VWDE: variants seen among roughly 807,000 people sequenced by gnomAD.
The protein encoded by VWDE is von Willebrand factor D and EGF domain-containing protein.
A neutral mutation model predicts 178.4 loss-of-function variants in VWDE; 207 were observed. That is an observed-to-expected ratio of 1.16 (90% CI 1.04 to 1.30). The LOEUF is 1.30. Among genes scored for constraint, VWDE ranks in the 50% most tolerant of loss-of-function variants. The pLI is 0.00. For missense variants in VWDE, 2,287 were observed against 1,901.3 expected (o/e 1.20, Z -3.77); for synonymous variants, 738 against 651.4 (o/e 1.13, Z -2.02).
At chr7:12,392,842 T>C (rs1031073515) in intron 2 of VWDE, among the ~76,000 whole-genome samples, 4 of 150,644 alleles carry the variant, frequency 2.7e-5, no homozygotes, top group Non-Finnish European at 5.9e-5. Context: ...TGTGAGTTCA[T>C]GTACAAAACC....
intron 15 of VWDE, 31 bp from the exon 16 acceptor site, chr7:12,359,723 C>G (rs1425970868): frequency 1.5e-6 from 2 of 1,353,358 alleles, no homozygotes; most frequent in Non-Finnish European, 2.0e-6. Flanking sequence ...AAGAAAACAT[C>G]AAAGTACAGC....
rs1783312166 is a variant in VWDE, at chr7:12,373,227, G to A, written c.1337C>T (p.Thr446Ile). The change falls in exon 10 of 29, where the codon ACT becomes ATT. Residue 446 changes from threonine (T) to isoleucine (I), a missense_variant. Transcript: ENST00000275358. ...FDGRVYDNFKTGTFVLYKSMS... is the reference protein window; with the variant it reads ...FDGRVYDNFKIGTFVLYKSMS... Reference sequence around the variant, plus strand: ...ACTCTTATAAAGCACAAATGTTCCAGTCTTGAAATTATCATATACCCTATC... The same window carrying A: ...ACTCTTATAAAGCACAAATGTTCCAATCTTGAAATTATCATATACCCTATC... The A allele has an allele frequency of 6.4e-7, 1 of 1,551,088 alleles. No individual in the cohort carries two copies. Among genetic ancestry groups the A allele is most frequent in the Non-Finnish European group, 8.7e-7 (1 of 1,146,710 alleles).
At chr7:12,374,024 A>T (rs543601759) in intron 9 of VWDE, among the ~76,000 whole-genome samples, 6 of 152,138 alleles carry the variant, frequency 3.9e-5, no homozygotes, top group Non-Finnish European at 7.4e-5. Flanking sequence ...TTTTAAGCAA[A>T]CCACAACCAT....
chr7:12,342,679 G>GATTATT (rs991198808), intron 22 of VWDE, among the ~76,000 whole-genome samples: 67 of 149,654 alleles, frequency 4.5e-4, no homozygotes, highest in Non-Finnish European at 7.0e-4. Flanking sequence ...CTATTATTAT[G>GATTATT]ATTATTATTA....
Position 12,337,472 on chromosome 7 carries a change from A to C in VWDE, c.4367-200T>G, listed in dbSNP as rs1583271207. 5.3e-5 allele frequency among the ~76,000 whole-genome samples: 8 copies of C among 152,348 alleles called. No individual in the cohort carries two copies. The South Asian group carries it at 1.7e-3, about 32-fold the overall frequency. Reference sequence around the variant, plus strand: ...CTATAAGCTACTAGTGGGTTAGCACAATTTGAAATATATTGGTTAAGTGTT... The same window carrying C: ...CTATAAGCTACTAGTGGGTTAGCACCATTTGAAATATATTGGTTAAGTGTT... On this transcript the variant is annotated intron_variant, in intron 24 of 28. Transcript: ENST00000275358.
At position 12,343,015 on chromosome 7, in the gene VWDE, G is replaced by A. The variant is rs745452866; in HGVS notation, c.4174+68C>T. ...GTAGAGTTTGGGTTCATTTCACGTAGCATTAAGGCCATCAACTATTCAAAG... is the reference window on the plus strand; with the variant it reads ...GTAGAGTTTGGGTTCATTTCACGTAACATTAAGGCCATCAACTATTCAAAG... On this transcript the variant is annotated intron_variant, in intron 22 of 28. Coordinates refer to ENST00000275358, the MANE Select transcript of VWDE (RefSeq NM_001135924.3). 9.9e-4 allele frequency: 1,167 copies of A among 1,173,504 alleles called. 6 individuals carry two copies. The highest frequency in any genetic ancestry group is 1.3e-3 in the Non-Finnish European group (1,034 of 817,488). The allele number at this position is 1,173,504 out of a possible 1,614,324, so 72.7% of individuals were successfully genotyped here. A position where few individuals can be genotyped will look rare whatever the true frequency, so the allele number is the denominator to read the frequency against.
Position 12,336,125 on chromosome 7 carries a change from C to A in VWDE, c.4654+16G>T, listed in dbSNP as rs1781011263. On this transcript the variant is annotated intron_variant, in intron 27 of 28. Transcript: ENST00000275358. The stretch of plus-strand genomic sequence containing the variant: ...AATTCAGAACATATAGTAGGAAAAA[C>A]ATCCTGTGGGCTTACGTATTTGACA... 6.5e-7 allele frequency: 1 copy of A among 1,545,798 alleles called. No homozygotes were observed. The highest frequency in any genetic ancestry group is 2.0e-5 in the Admixed American group (1 of 50,208).
intron 3 of VWDE, among the ~76,000 whole-genome samples, chr7:12,384,890 G>A (rs1485059213): frequency 6.6e-6 from 1 of 152,080 alleles, no homozygotes; most frequent in Non-Finnish European, 1.5e-5. Flanking sequence ...GGAAGCTTTA[G>A]GGGATATAGT....
intron 2 of VWDE, among the ~76,000 whole-genome samples, chr7:12,392,706 G>A (rs1198332367): frequency 6.7e-6 from 1 of 150,060 alleles, no homozygotes; most frequent in Admixed American, 6.7e-5. Flanking sequence ...AATGAAATAA[G>A]AATGAAAGAA....
At chr7:12,384,911 A>G (rs1784023707) in intron 3 of VWDE, among the ~76,000 whole-genome samples, 2 of 152,152 alleles carry the variant, frequency 1.3e-5, no homozygotes. Flanking sequence ...ATACATTTTT[A>G]ACTTCTCATA....
chr7:12,395,119 G>T (rs911075451), intron 1 of VWDE, among the ~76,000 whole-genome samples: 1 of 151,900 alleles, frequency 6.6e-6, no homozygotes, highest in African/African-American at 2.4e-5. Flanking sequence ...AACACAAAAG[G>T]CTCCTCTTTC....
intron 17 of VWDE, 138 bp downstream of exon 17, chr7:12,357,127 G>A (rs986273666): frequency 7.2e-6 from 8 of 1,115,664 alleles, no homozygotes; most frequent in Middle Eastern, 2.4e-4. Context: ...TCAAAGTTTC[G>A]GCAGTTTAAT....
chr7:12,358,179 C>G (rs1782367995), intron 16 of VWDE, among the ~76,000 whole-genome samples: 1 of 152,072 alleles, frequency 6.6e-6, no homozygotes, highest in African/African-American at 2.4e-5. Context: ...GAGTTCCAGA[C>G]CAGCCTGGCC....
Position 12,331,062 on chromosome 7 carries a change from T to C in VWDE, c.*121A>G. The C allele has an allele frequency of 1.4e-6, 1 of 703,096 alleles. No homozygotes were observed. 43.6% of individuals were successfully genotyped at this position (703,096 alleles called of 1,614,324 possible). Reference sequence around the variant, plus strand: ...ATCATTATGTATTTTATTAGTTTCTTCAGTCTTTAAGATATTTTTTGAATG... The same window carrying C: ...ATCATTATGTATTTTATTAGTTTCTCCAGTCTTTAAGATATTTTTTGAATG... On this transcript the variant is annotated 3_prime_UTR_variant, in exon 29 of 29. Transcript: ENST00000275358.
In VWDE at chr7:12,388,346, T is replaced by C. The variant is rs376639383; in HGVS notation, c.475+781A>G. ...AGTAAAGTTAACTGCAATCACTTGA[T>C]TAATATAATGTCTGCCAGGTTTCTC... On this transcript the variant is annotated intron_variant, in intron 3 of 28. Coordinates refer to ENST00000275358, the MANE Select transcript of VWDE (RefSeq NM_001135924.3). 8.5e-4 allele frequency among the ~76,000 whole-genome samples: 130 copies of C among 152,268 alleles called. 3 individuals carry two copies. In the South Asian group the frequency reaches 0.026, roughly 30 times the overall value.
Position 12,380,513 on chromosome 7 carries a change from A to G in VWDE, c.762T>C (p.Asp254=). The change falls in exon 5 of 29, where the codon GAT becomes GAC. Residue 254 remains aspartate, a synonymous_variant. Coordinates refer to ENST00000275358, the MANE Select transcript of VWDE (RefSeq NM_001135924.3). The stretch of plus-strand genomic sequence containing the variant: ...TGTCTCCAAGTCTGAGATTTATGCC[A>G]TCAAGTTCTAAAAGAGAGAATGCCT... ...TVQAFSLLEL[D]GINLRLGDRI... 1 of 1,551,818 alleles carries G rather than the reference A, an allele frequency of 6.4e-7. No individual in the cohort carries two copies.
intron 17 of VWDE, among the ~76,000 whole-genome samples, chr7:12,356,700 G>T (rs910252108): frequency 1.3e-5 from 2 of 152,126 alleles, no homozygotes; most frequent in African/African-American, 4.8e-5. Context: ...CGAATTACTG[G>T]GTTAATATGG....
rs767911739 is a variant in VWDE at position 12,331,149 on chromosome 7, G to C, written c.*34C>G. 23 of 1,514,202 alleles carry C rather than the reference G, an allele frequency of 1.5e-5. No homozygotes were observed. Among genetic ancestry groups the C allele is most frequent in the South Asian group, 1.5e-4 (12 of 79,312 alleles). 93.8% of individuals were successfully genotyped at this position (1,514,202 alleles called of 1,614,324 possible). ...CTGAACAAAATATTTCCATTCTTAA[G>C]ATACAGGCTTGTAATTCATATACTT... On this transcript the variant is annotated 3_prime_UTR_variant, in exon 29 of 29. Coordinates refer to ENST00000275358, the MANE Select transcript of VWDE (RefSeq NM_001135924.3).
At chr7:12,368,647 C>G (rs1782990714) in intron 12 of VWDE, among the ~76,000 whole-genome samples, 1 of 152,052 alleles carries the variant, frequency 6.6e-6, no homozygotes. Context: ...GGACTTTACT[C>G]TGAAGGAGAT....
Sources: allele counts gnomAD v4.1 joint callset (sites outside exome capture counted in the v4.1 genomes callset), GRCh38; gene constraint gnomAD v4.1.1; transcripts MANE v1.5; gene names NCBI Gene and HGNC (gene_info 2026-07-23, HGNC 2026-07-21).